ADCY3: variants seen among roughly 807,000 people sequenced by gnomAD.
The protein encoded by ADCY3 is adenylate cyclase type 3.
ADCY3 carries 70 observed loss-of-function variants against 119.4 expected under a neutral mutation model. The ratio of observed to expected loss-of-function variants is 0.59; its 90% CI spans 0.48 to 0.72. The LOEUF (loss-of-function observed/expected upper bound fraction) is 0.72, where lower values mean the gene tolerates loss of function less well. ADCY3 is among the 30% of genes least tolerant of loss of function. The probability of loss-of-function intolerance (pLI) is 0.00; values close to 1 mark genes in which losing one functional copy is unlikely to be tolerated. For missense variants in ADCY3, 1,238 were observed against 1,541.6 expected (o/e 0.80, Z 3.30); for synonymous variants, 672 against 621.4 (o/e 1.08, Z -1.21).
intron 2 of ADCY3, among the ~76,000 whole-genome samples, chr2:24,916,629 C>T (rs771311202): frequency 3.3e-5 from 5 of 152,140 alleles, no homozygotes; most frequent in Admixed American, 2.0e-4. Flanking sequence ...TTGCAGTGAG[C>T]TGAGATCGCG....
At chr2:24,912,811 T>C (rs909641935) in intron 2 of ADCY3, among the ~76,000 whole-genome samples, 3 of 152,146 alleles carry the variant, frequency 2.0e-5, no homozygotes, top group African/African-American at 7.2e-5. Flanking sequence ...AAATTGCATA[T>C]GCATGATGAT....
At position 24,823,356 on chromosome 2, in the gene ADCY3, C is replaced by T; in HGVS notation, c.2737-1G>A. On this transcript the variant is annotated splice_acceptor_variant, in intron 17 of 21. Transcript: ENST00000679454. LOFTEE classifies it high-confidence loss of function. ...CATCATACGTCTGGCTATACAGCTC[C>T]TAAAAAGAGGTGCGGACAACGTGCT... The T allele has an allele frequency of 6.2e-7, 1 of 1,610,558 alleles. No individual in the cohort carries two copies. Among genetic ancestry groups the T allele is most frequent in the South Asian group, 1.1e-5 (1 of 90,414 alleles).
Position 24,827,470 on chromosome 2 carries a change from G to A in ADCY3, c.2495+76C>T, listed in dbSNP as rs1056322064. 1.0e-5 allele frequency: 15 copies of A among 1,499,126 alleles called. No homozygotes were observed. The African/African-American group carries it at 1.9e-4, about 19-fold the overall frequency. The allele number at this position is 1,499,126 out of a possible 1,614,324, so 92.9% of individuals were successfully genotyped here. A position where few individuals can be genotyped will look rare whatever the true frequency, so the allele number is the denominator to read the frequency against. On this transcript the variant is annotated intron_variant, in intron 15 of 21. Transcript: ENST00000679454. ...CCTCCCGGGAGGGTGAGATCCCGGG[G>A]CTTGGGCCTGTTATATTCCTGTCTC...
intron 2 of ADCY3, among the ~76,000 whole-genome samples, chr2:24,902,087 T>G (rs1262963626): frequency 3.4e-5 from 5 of 147,648 alleles, no homozygotes; most frequent in African/African-American, 1.2e-4. Context: ...TTTGGTTTTT[T>G]TTTTTTTTTT....
In ADCY3 at chr2:24,821,599, G is replaced by T; in HGVS notation, c.3045C>A (p.Asp1015Glu). Residue 1015 changes from aspartate (D) to glutamate (E), a missense_variant, in exon 20 of 22, where the codon GAC (aspartate) becomes GAA (glutamate). Asp to Glu is a conservative substitution (Grantham distance 45). This residue lies in a region of ADCY3 where 63 missense variants were observed against 62.8 expected (regional missense o/e 1.00). Transcript: ENST00000679454. ...SERERWQHLADLADFALAMKD... is the reference protein window; with the variant it reads ...SERERWQHLAELADFALAMKD... ...TCATGGCCAGCGCGAAGTCGGCCAG[G>T]TCAGCCAGGTGCTGCCAGCGCTCTC... 1 of 1,614,180 alleles carries T rather than the reference G, an allele frequency of 6.2e-7. No individual in the cohort carries two copies. Among genetic ancestry groups the T allele is most frequent in the African/African-American group, 1.3e-5 (1 of 75,064 alleles).
In ADCY3 at chr2:24,898,266, C is replaced by G. The variant is rs565883101; in HGVS notation, c.675+20047G>C. ...TTTCTCTCCACTCTCCCAGTTCGTG[C>G]GCCACAGAGGCCCCCGGGGAGGCTC... On this transcript the variant is annotated intron_variant, in intron 2 of 21. Transcript: ENST00000679454. This position sits in a 1 kb window ranked among gnomAD's most constrained non-coding sequence, Gnocchi z 4.3. 6.6e-6 allele frequency among the ~76,000 whole-genome samples: 1 copy of G among 152,124 alleles called. No individual in the cohort carries two copies. The highest frequency in any genetic ancestry group is 1.5e-5 in the Non-Finnish European group (1 of 68,022).
intron 2 of ADCY3, among the ~76,000 whole-genome samples, chr2:24,876,169 T>C (rs1675688763): frequency 6.6e-6 from 1 of 152,110 alleles, no homozygotes; most frequent in Non-Finnish European, 1.5e-5. Flanking sequence ...ATTTTATTCT[T>C]TGTAGAGATG....
rs1668062682 is a variant in ADCY3, at chr2:24,823,337, ACGTCT to A, written c.2750_2754del (p.Gln917LeufsTer2). On this transcript the variant is annotated frameshift_variant, in exon 18 of 22. Coordinates refer to ENST00000679454, the MANE Select transcript of ADCY3 (RefSeq NM_004036.5). LOFTEE classifies it high-confidence loss of function. ...GCAAACATGACTCCAATCTCATCAT[ACGTCT>A]GGCTATACAGCTCCTAAAAAGAGGT... 1.9e-5 allele frequency: 30 copies of A among 1,613,402 alleles called. No homozygotes were observed. Among genetic ancestry groups the A allele is most frequent in the Non-Finnish European group, 2.3e-5 (27 of 1,179,866 alleles).
At chr2:24,847,343 C>T (rs1671773012) in intron 3 of ADCY3, among the ~76,000 whole-genome samples, 1 of 152,200 alleles carries the variant, frequency 6.6e-6, no homozygotes, top group Non-Finnish European at 1.5e-5. Flanking sequence ...TCCAATTAAA[C>T]CTCTTTTTCT....
chr2:24,822,411 C>G, intron 19 of ADCY3, 100 bp downstream of exon 19: 1 of 1,524,844 alleles, frequency 6.6e-7, no homozygotes, highest in Admixed American at 1.8e-5. Flanking sequence ...TCTGGGACCA[C>G]TTTGCACAGC....
rs1465628202 is a variant in ADCY3 at position 24,839,921 on chromosome 2, G to A, written c.1307C>T (p.Ser436Leu). 1.9e-6 allele frequency: 3 copies of A among 1,613,700 alleles called. No homozygotes were observed. The highest frequency in any genetic ancestry group is 1.7e-6 in the Non-Finnish European group (2 of 1,180,024). The change falls in exon 7 of 22, where the codon TCG becomes TTG. Residue 436 changes from serine to leucine, a missense_variant. By Grantham distance (145) the Ser-to-Leu change is moderately radical. Coordinates refer to ENST00000679454, the MANE Select transcript of ADCY3 (RefSeq NM_004036.5). ...CTTGTTGGCTACAGTGACATCAGTC[G>A]ACCACACGTCGTACTGCCAGCGCTT... ...GQKRWQYDVW[S>L]TDVTVANKME...
intron 3 of ADCY3, among the ~76,000 whole-genome samples, chr2:24,866,450 G>A (rs1404635466): frequency 2.0e-5 from 3 of 150,428 alleles, no homozygotes; most frequent in African/African-American, 4.9e-5. Flanking sequence ...GGTGGCACAC[G>A]CCTGCAGTCC....
At position 24,919,204 on chromosome 2, in the gene ADCY3, G is replaced by A; in HGVS notation, c.-197-20C>T. 3 of 571,464 alleles carry A rather than the reference G, an allele frequency of 5.2e-6. No individual in the cohort carries two copies. The highest frequency in any genetic ancestry group is 9.3e-6 in the Non-Finnish European group (3 of 321,310). The allele number at this position is 571,464 out of a possible 1,614,324, so 35.4% of individuals were successfully genotyped here. A position where few individuals can be genotyped will look rare whatever the true frequency, so the allele number is the denominator to read the frequency against. On this transcript the variant is annotated intron_variant, in intron 1 of 21. Transcript: ENST00000679454. The surrounding 1 kb of genome is among the most constrained non-coding windows in gnomAD (Gnocchi z 5.5). ...CTAGAACTGAAAAGGGCATTGCTGAGTAGAAGCACCTCTTCCCTCCTACCT... is the reference window on the plus strand; with the variant it reads ...CTAGAACTGAAAAGGGCATTGCTGAATAGAAGCACCTCTTCCCTCCTACCT...
chr2:24,822,271 A>G (rs745669836), intron 19 of ADCY3: 16 of 445,314 alleles, frequency 3.6e-5, no homozygotes, highest in Non-Finnish European at 4.3e-5. Flanking sequence ...GCCTGGCCAC[A>G]GAACACAACC....
chr2:24,895,042 C>A (rs1042062321), intron 2 of ADCY3, among the ~76,000 whole-genome samples: 4 of 151,716 alleles, frequency 2.6e-5, no homozygotes, highest in African/African-American at 9.7e-5. Context: ...ATGAGTGTAT[C>A]TTTATTAAGC....
chr2:24,845,607 C>G (rs1336586058), intron 3 of ADCY3, among the ~76,000 whole-genome samples: 1 of 152,194 alleles, frequency 6.6e-6, no homozygotes, highest in Non-Finnish European at 1.5e-5. Context: ...AAGGAAACAG[C>G]ATAAAAATTT....
intron 8 of ADCY3, among the ~76,000 whole-genome samples, chr2:24,837,449 C>A (rs760582010): frequency 2.2e-4 from 33 of 152,286 alleles, no homozygotes; most frequent in Non-Finnish European, 4.0e-4. Context: ...TAAAATGACA[C>A]TGGATGAGAC....
At chr2:24,852,366 C>T (rs1474675302) in intron 3 of ADCY3, among the ~76,000 whole-genome samples, 4 of 151,912 alleles carry the variant, frequency 2.6e-5, no homozygotes, top group Admixed American at 6.6e-5. Flanking sequence ...GTGGTGGTGG[C>T]GGCTCCTAGA....
At position 24,872,816 on chromosome 2, in the gene ADCY3, G is replaced by A. The variant is rs985771134; in HGVS notation, c.676-97C>T. 5.5e-6 allele frequency: 8 copies of A among 1,445,926 alleles called. No homozygotes were observed. The Admixed American group carries it at 6.2e-5, about 11-fold the overall frequency. The allele number at this position is 1,445,926 out of a possible 1,614,324, so 89.6% of individuals were successfully genotyped here. On this transcript the variant is annotated intron_variant, in intron 2 of 21. Coordinates refer to ENST00000679454, the MANE Select transcript of ADCY3 (RefSeq NM_004036.5). The surrounding 1 kb of genome is among the most constrained non-coding windows in gnomAD (Gnocchi z 4.4). ...GGATGGAGGAGGTGGGGTGGGTGGT[G>A]ACCAAAATCAAACCTCAAGTTGCCC...
Sources: gnomAD v4.1 joint callset for allele counts (sites outside exome capture counted in the v4.1 genomes callset) on GRCh38, gnomAD v4.1.1 for gene constraint, gnomAD v4.1.1 regional missense constraint, Gnocchi (gnomAD v3.1) non-coding constraint, MANE v1.5 for transcripts, NCBI Gene and HGNC (gene_info 2026-07-23, HGNC 2026-07-21) for gene names.